NPLOC4: variants seen among roughly 807,000 people sequenced by gnomAD.
NPLOC4 encodes NPL4 homolog, ubiquitin recognition factor.
In NPLOC4, 18 loss-of-function variants were observed where a neutral mutation model predicts 80.6. The ratio of observed to expected loss-of-function variants is 0.22; its 90% CI spans 0.15 to 0.33. The LOEUF (loss-of-function observed/expected upper bound fraction) is 0.33, where lower values mean the gene tolerates loss of function less well. Among genes scored for constraint, NPLOC4 ranks in the 10% least tolerant of loss-of-function variants. The pLI is 1.00. For missense variants in NPLOC4, 540 were observed against 786.1 expected, an observed-to-expected ratio of 0.69 and a Z score of 3.74; for synonymous variants, 313 against 301.5, an observed-to-expected ratio of 1.04 and a Z score of -0.39.
At chr17:81,597,376 C>T (rs1343201697) in intron 9 of NPLOC4, 60 bp from the exon 10 acceptor site, 10 of 1,338,268 alleles carry the variant, frequency 7.5e-6, no homozygotes, top group African/African-American at 2.9e-5. Context: ...AATGGCTGGG[C>T]GCAGTGACTC....
chr17:81,635,974 A>ATTT, intron 1 of NPLOC4, among the ~76,000 whole-genome samples: 1 of 141,662 alleles, frequency 7.1e-6, no homozygotes, highest in Non-Finnish European at 1.5e-5. Context: ...GTGTGTGACA[A>ATTT]TTTTTTTTTT....
At chr17:81,602,591 A>G (rs1381030097) in intron 8 of NPLOC4, among the ~76,000 whole-genome samples, 2 of 151,790 alleles carry the variant, frequency 1.3e-5, no homozygotes, top group African/African-American at 4.8e-5. Context: ...AATCCCCGCT[A>G]TTCAGGAGGC....
chr17:81,571,884 G>C (rs578051077), intron 13 of NPLOC4, 133 bp downstream of exon 13: 30 of 493,784 alleles, frequency 6.1e-5, no homozygotes, highest in Middle Eastern at 9.1e-4. Context: ...TGCCTGTTCT[G>C]GGGTGGGCAC....
At chr17:81,598,716 G>A (rs1051971342) in intron 9 of NPLOC4, among the ~76,000 whole-genome samples, 1 of 152,136 alleles carries the variant, frequency 6.6e-6, no homozygotes, top group Non-Finnish European at 1.5e-5. Context: ...CCCGTCACGA[G>A]GCCACAGGAG....
At chr17:81,630,092 CTT>C (rs35939173) in intron 1 of NPLOC4, among the ~76,000 whole-genome samples, 22 of 151,424 alleles carry the variant, frequency 1.5e-4, no homozygotes, top group Non-Finnish European at 2.8e-4. Flanking sequence ...ATGTAAAACA[CTT>C]TTTGTCTCTT....
intron 1 of NPLOC4, among the ~76,000 whole-genome samples, chr17:81,631,782 C>G (rs2035938245): frequency 6.6e-6 from 1 of 151,968 alleles, no homozygotes; most frequent in African/African-American, 2.4e-5. Flanking sequence ...TCCTGCATTA[C>G]CATCTCTTGT....
In NPLOC4 at chr17:81,580,560, G is replaced by A. The variant is rs1309985366; in HGVS notation, c.1281+8384C>T. ...CCCTGCTTATCACTCTCTGTGTGGG[G>A]AACAGGCTGCTGCCTCTGTCTGAAC... On this transcript the variant is annotated intron_variant, in intron 12 of 16. Coordinates refer to ENST00000331134, the MANE Select transcript of NPLOC4 (RefSeq NM_017921.4). The surrounding 1 kb of genome is among the most constrained non-coding windows in gnomAD (Gnocchi z 4.4). 6.6e-6 allele frequency among the ~76,000 whole-genome samples: 1 copy of A among 152,180 alleles called. No individual in the cohort carries two copies. The highest frequency in any genetic ancestry group is 1.9e-4 in the East Asian group (1 of 5,168).
chr17:81,559,300 C>G lies in NPLOC4; in HGVS notation c.1786G>C (p.Gly596Arg). 6.2e-7 allele frequency: 1 copy of G among 1,606,590 alleles called. No individual in the cohort carries two copies. Residue 596 changes from glycine to arginine, a missense_variant, in exon 17 of 17, where the codon GGC (glycine) becomes CGC (arginine). By Grantham distance (125) the Gly-to-Arg change is moderately radical. Transcript: ENST00000331134. ...CTGCACATCTCGCAGTGGCCTGTGC[C>G]TGGCTGGTTCATGAACGTGCAGTGC... ...CQHCTFMNQPGTGHCEMCSLP... is the reference protein window; with the variant it reads ...CQHCTFMNQPRTGHCEMCSLP...
chr17:81,631,128 G>A (rs190242899), intron 1 of NPLOC4, among the ~76,000 whole-genome samples: 8 of 152,020 alleles, frequency 5.3e-5, no homozygotes, highest in South Asian at 2.1e-4. Flanking sequence ...AGCCAAGATC[G>A]TGCCATTGCG....
chr17:81,600,766 T>C (rs2035040243), intron 8 of NPLOC4, among the ~76,000 whole-genome samples: 2 of 152,186 alleles, frequency 1.3e-5, no homozygotes. Flanking sequence ...GGAATTAAGT[T>C]ACTTTCAAAC....
intron 1 of NPLOC4, among the ~76,000 whole-genome samples, chr17:81,634,205 T>C (rs373619762): frequency 6.6e-6 from 1 of 152,062 alleles, no homozygotes; most frequent in Non-Finnish European, 1.5e-5. Context: ...GGTTTCACCA[T>C]GTCGGCCAGG....
chr17:81,605,050 G>A (rs1187342144), intron 7 of NPLOC4, among the ~76,000 whole-genome samples: 2 of 150,100 alleles, frequency 1.3e-5, no homozygotes, highest in African/African-American at 2.4e-5. Context: ...CATGAGGTCA[G>A]GAGATCAAGA....
chr17:81,563,912 C>T (rs1237069492), intron 16 of NPLOC4: 2 of 454,888 alleles, frequency 4.4e-6, no homozygotes, highest in East Asian at 7.0e-5. Context: ...AACATGGGTA[C>T]TCACGTACAT....
At chr17:81,591,447 GAAAAAAAAAAAA>G (rs71367067) in intron 11 of NPLOC4, among the ~76,000 whole-genome samples, 1 of 76,326 alleles carries the variant, frequency 1.3e-5, no homozygotes, top group Non-Finnish European at 2.4e-5. Flanking sequence ...GAGTAAAACA[GAAAAAAAAAAAA>G]AAAAAAAAAA....
chr17:81,578,835 C>A (rs2034366890), intron 12 of NPLOC4, among the ~76,000 whole-genome samples: 1 of 152,176 alleles, frequency 6.6e-6, no homozygotes, highest in East Asian at 1.9e-4. Flanking sequence ...ACAAAGGGTG[C>A]TAGGGGGCGT....
At position 81,569,130 on chromosome 17, in the gene NPLOC4, A is replaced by C. The variant is rs2144046209; in HGVS notation, c.1354-19T>G. ...TTGTGATCTAATGAAGAAAAACACA[A>C]ACCCATGATAAATGAGGCTGAAAAT... On this transcript the variant is annotated intron_variant, in intron 13 of 16. Transcript: ENST00000331134. 6.5e-7 allele frequency: 1 copy of C among 1,539,738 alleles called. No homozygotes were observed. Among genetic ancestry groups the C allele is most frequent in the Non-Finnish European group, 9.0e-7 (1 of 1,112,612 alleles).
Position 81,572,896 on chromosome 17 carries a change from G to A in NPLOC4, c.1282-808C>T, listed in dbSNP as rs116466395. On this transcript the variant is annotated intron_variant, in intron 12 of 16. Transcript: ENST00000331134. This position sits in a 1 kb window ranked among gnomAD's most constrained non-coding sequence, Gnocchi z 4.5. ...TAATAAAATAAAGGCATGCACAAAT[G>A]AGCGCACACACAAATATGAAGACAC... Among the ~76,000 whole-genome samples the A allele has an allele frequency of 6.1e-3, 925 of 152,262 alleles. 10 individuals carry two copies. The highest frequency in any genetic ancestry group is 0.021 in the African/African-American group (867 of 41,544).
intron 1 of NPLOC4, among the ~76,000 whole-genome samples, chr17:81,632,817 T>C (rs1397519405): frequency 6.6e-6 from 1 of 152,184 alleles, no homozygotes; most frequent in Non-Finnish European, 1.5e-5. Context: ...TAACTAAGCC[T>C]AATCTAGATT....
intron 1 of NPLOC4, among the ~76,000 whole-genome samples, chr17:81,630,754 A>G (rs2035907139): frequency 6.6e-6 from 1 of 152,118 alleles, no homozygotes; most frequent in Non-Finnish European, 1.5e-5. Flanking sequence ...GCGTACGCCT[A>G]TGGTCTCAGC....
Sources: gnomAD v4.1 joint callset for allele counts (sites outside exome capture counted in the v4.1 genomes callset) on GRCh38, gnomAD v4.1.1 for gene constraint, Gnocchi (gnomAD v3.1) non-coding constraint, MANE v1.5 for transcripts, NCBI Gene and HGNC (gene_info 2026-07-23, HGNC 2026-07-21) for gene names.